The following MREG variants were observed in gnomAD, a reference collection of about 807,000 sequenced individuals.
MREG encodes melanoregulin, also known as dilute suppressor protein homolog.
In MREG, 31 loss-of-function variants were observed where a neutral mutation model predicts 28.5. The observed-to-expected ratio is 1.09, with a 90% CI of 0.82 to 1.47. The LOEUF (loss-of-function observed/expected upper bound fraction) is 1.47. MREG is among the 40% of genes most tolerant of loss of function. MREG has a pLI of 0.00. For synonymous variants in MREG, 106 were observed against 95.2 expected (o/e 1.11, Z -0.66); for missense variants, 256 against 257.4 (o/e 0.99, Z 0.04).
At chr2:215,995,509 A>ACC (rs1212242370) in intron 2 of MREG, among the ~76,000 whole-genome samples, 16 of 95,118 alleles carry the variant, frequency 1.7e-4, no homozygotes, top group East Asian at 3.5e-4. Context: ...CACCCACCCC[A>ACC]CCCCCCGCCA....
At chr2:215,947,652 A>G (rs1455700518) in intron 2 of MREG, among the ~76,000 whole-genome samples, 1 of 152,238 alleles carries the variant, frequency 6.6e-6, no homozygotes, top group Non-Finnish European at 1.5e-5. Context: ...ACACAAAAAA[A>G]TCTATGTCTC....
intron 2 of MREG, among the ~76,000 whole-genome samples, chr2:215,958,605 A>C (rs3770524): frequency 0.88 from 134,015 of 152,234 alleles, 59,080 homozygotes; most frequent in Non-Finnish European, 0.91. Flanking sequence ...CCCTTCACTG[A>C]CAAATGGCTT....
intron 1 of MREG, among the ~76,000 whole-genome samples, chr2:216,022,975 C>T (rs1219369494): frequency 1.3e-5 from 2 of 152,210 alleles, no homozygotes; most frequent in Admixed American, 1.3e-4. Context: ...ACTTTAAGCC[C>T]AGATCCTACC....
chr2:216,033,571 A>G (rs1273669639), upstream of MREG: 1 of 152,346 alleles, frequency 6.6e-6, no homozygotes, highest in Non-Finnish European at 1.5e-5. Context: ...TAACCTCAGC[A>G]AAGGGTGGCC....
At chr2:216,024,154 A>G (rs181741390) in intron 1 of MREG, among the ~76,000 whole-genome samples, 30 of 152,068 alleles carry the variant, frequency 2.0e-4, no homozygotes, top group African/African-American at 6.8e-4. Flanking sequence ...GCTCTTTTCA[A>G]TTTAGAAAGG....
intron 2 of MREG, among the ~76,000 whole-genome samples, chr2:215,951,150 C>T (rs1190853718): frequency 6.6e-6 from 1 of 152,186 alleles, no homozygotes; most frequent in African/African-American, 2.4e-5. Flanking sequence ...GTCAATTAAA[C>T]CTCTTTTCTT....
Position 215,976,232 on chromosome 2 carries a change from C to T in MREG, c.255+20074G>A, listed in dbSNP as rs140995080. Among the ~76,000 whole-genome samples, 668 of 152,344 alleles carry T rather than the reference C, an allele frequency of 4.4e-3. 2 individuals are homozygous for T. The highest frequency in any genetic ancestry group is 6.9e-3 in the Non-Finnish European group (469 of 68,034). On this transcript the variant is annotated intron_variant, in intron 2 of 4. Transcript: ENST00000263268. The stretch of plus-strand genomic sequence containing the variant: ...TACAATTTCTTGAAACTCTACCTTC[C>T]ATTCTATCCCATGCATCTTGCCTTC...
At chr2:215,984,284 C>T (rs1693506029) in intron 2 of MREG, among the ~76,000 whole-genome samples, 1 of 152,126 alleles carries the variant, frequency 6.6e-6, no homozygotes, top group Admixed American at 6.5e-5. Flanking sequence ...CATCCCACAA[C>T]ATGTGGGAAT....
downstream of MREG, among the ~76,000 whole-genome samples, chr2:215,942,461 G>C (rs1692210697): frequency 6.6e-6 from 1 of 152,122 alleles, no homozygotes; most frequent in African/African-American, 2.4e-5. Context: ...TCCTTGACTG[G>C]CTTTAGGATG....
intron 1 of MREG, among the ~76,000 whole-genome samples, chr2:216,011,843 T>C (rs553318592): frequency 3.3e-5 from 5 of 152,344 alleles, no homozygotes; most frequent in Admixed American, 1.3e-4. Flanking sequence ...CTAAGAGCCC[T>C]GACAAGTTCA....
At chr2:216,022,514 CA>C (rs1247554613) in intron 1 of MREG, among the ~76,000 whole-genome samples, 1 of 152,136 alleles carries the variant, frequency 6.6e-6, no homozygotes, top group East Asian at 1.9e-4. Context: ...ACAATATTCC[CA>C]CTTTAATTAT....
At chr2:215,968,329 A>G (rs1693000056) in intron 2 of MREG, among the ~76,000 whole-genome samples, 1 of 152,180 alleles carries the variant, frequency 6.6e-6, no homozygotes, top group Non-Finnish European at 1.5e-5. Context: ...ACAGAGTAAA[A>G]AAGATGAGCT....
At chr2:215,960,337 G>A (rs752277186) in intron 2 of MREG, among the ~76,000 whole-genome samples, 27 of 152,134 alleles carry the variant, frequency 1.8e-4, no homozygotes, top group Non-Finnish European at 4.0e-4. Flanking sequence ...ACCGGGATTC[G>A]CCCAGGTCCT....
intron 2 of MREG, among the ~76,000 whole-genome samples, chr2:215,951,598 A>G (rs998001112): frequency 6.6e-6 from 1 of 152,228 alleles, no homozygotes; most frequent in Middle Eastern, 3.2e-3. Context: ...GCAAAAGAAA[A>G]CATACTGAGC....
intron 2 of MREG, among the ~76,000 whole-genome samples, chr2:215,979,817 G>A (rs908031132): frequency 3.3e-5 from 5 of 152,034 alleles, no homozygotes; most frequent in African/African-American, 1.2e-4. Context: ...AGTCAATACT[G>A]AGTAGGTCAC....
At chr2:215,992,158 G>A (rs1435380183) in intron 2 of MREG, among the ~76,000 whole-genome samples, 1 of 152,178 alleles carries the variant, frequency 6.6e-6, no homozygotes, top group African/African-American at 2.4e-5. Flanking sequence ...TAAAATACTG[G>A]CAAACTGAAT....
chr2:215,957,196 G>A (rs1185741114), intron 2 of MREG, among the ~76,000 whole-genome samples: 2 of 152,180 alleles, frequency 1.3e-5, no homozygotes, highest in Non-Finnish European at 2.9e-5. Context: ...CTATGCCTGA[G>A]GAGGAACTAG....
At chr2:216,023,535 T>G (rs1694555215) in intron 1 of MREG, among the ~76,000 whole-genome samples, 1 of 152,250 alleles carries the variant, frequency 6.6e-6, no homozygotes, top group South Asian at 2.1e-4. Context: ...TCATTTCATC[T>G]TATTAAGCAT....
chr2:216,006,087 G>T (rs191571243), intron 1 of MREG, among the ~76,000 whole-genome samples: 1 of 152,176 alleles, frequency 6.6e-6, no homozygotes, highest in Non-Finnish European at 1.5e-5. Flanking sequence ...TTAAACATAG[G>T]TGGTGTAGTG....
Sources: gnomAD v4.1 joint callset for allele counts (sites outside exome capture counted in the v4.1 genomes callset) on GRCh38, gnomAD v4.1.1 for gene constraint, MANE v1.5 for transcripts, NCBI Gene and HGNC (gene_info 2026-07-23, HGNC 2026-07-21) for gene names.